KLC1: variants seen among roughly 807,000 people sequenced by gnomAD.
KLC1 encodes kinesin 2 60/70kDa.
In KLC1, 30 loss-of-function variants were observed where a neutral mutation model predicts 84.2. That is an observed-to-expected ratio of 0.36 (90% CI 0.27 to 0.48). The LOEUF is 0.48. Ranked by LOEUF, KLC1 falls within the 20% of genes least tolerant of loss-of-function variation. KLC1 has a pLI of 0.99. For synonymous variants in KLC1, 289 were observed against 293.3 expected (o/e 0.99, Z 0.15); for missense variants, 499 against 805.4 (o/e 0.62, Z 4.60).
At chr14:103,651,630 G>T (rs1392143108) in intron 1 of KLC1, among the ~76,000 whole-genome samples, 3 of 152,134 alleles carry the variant, frequency 2.0e-5, no homozygotes, top group Non-Finnish European at 2.9e-5. Flanking sequence ...CTATACCATG[G>T]TCACCTGGGG....
rs201009117 is a variant in KLC1 at position 103,662,175 on chromosome 14, A to G, written c.552A>G (p.Glu184=). The change falls in exon 4 of 17, where the codon GAA becomes GAG. Residue 184 remains glutamate, a synonymous_variant. Transcript: ENST00000334553. The part of the protein sequence containing the change: ...EPLDDLFPND[E]DDPGQGIQQQ... ...TGGATGACCTTTTCCCCAATGATGAAGACGACCCAGGGCAAGGAAGTGAGT... is the reference window on the plus strand; with the variant it reads ...TGGATGACCTTTTCCCCAATGATGAGGACGACCCAGGGCAAGGAAGTGAGT... 3.0e-5 allele frequency: 48 copies of G among 1,613,614 alleles called. No individual in the cohort carries two copies. In the African/African-American group the frequency reaches 5.9e-4, roughly 20 times the overall value.
At chr14:103,642,406 A>G (rs2896489) in intron 1 of KLC1, among the ~76,000 whole-genome samples, 92,086 of 152,102 alleles carry the variant, frequency 0.61, 28,988 homozygotes, top group Non-Finnish European at 0.71. Context: ...GTTTTGAGAC[A>G]TATGGGCAAG....
intron 16 of KLC1, 80 bp from the exon 17 acceptor site, chr14:103,701,121 G>A (rs2083163292): frequency 1.3e-6 from 2 of 1,516,424 alleles, no homozygotes; most frequent in Admixed American, 4.0e-5. Flanking sequence ...GGGTTCCCCA[G>A]AGAGCTGTTT....
intron 15 of KLC1, chr14:103,698,924 C>A (rs1480964190): frequency 1.2e-6 from 2 of 1,600,352 alleles, no homozygotes. Flanking sequence ...CGAGGGCAGC[C>A]TCTTCCTCGC....
At chr14:103,681,879 G>A (rs1349262401) in intron 13 of KLC1, among the ~76,000 whole-genome samples, 1 of 152,184 alleles carries the variant, frequency 6.6e-6, no homozygotes, top group Non-Finnish European at 1.5e-5. Context: ...TATTAACACG[G>A]TTCAGGTCAG....
intron 1 of KLC1, 35 bp from the exon 2 acceptor site, chr14:103,654,529 G>T (rs1329613953): frequency 1.9e-6 from 3 of 1,544,616 alleles, no homozygotes; most frequent in Non-Finnish European, 2.6e-6. Flanking sequence ...AACCTGTAAT[G>T]AGGGATCTAA....
chr14:103,654,493 A>T, intron 1 of KLC1, 71 bp from the exon 2 acceptor site: 4 of 1,306,082 alleles, frequency 3.1e-6, no homozygotes, highest in Non-Finnish European at 4.1e-6. Flanking sequence ...AAAAATTTTC[A>T]TATTTACTTG....
At chr14:103,649,770 A>G (rs1042383490) in intron 1 of KLC1, among the ~76,000 whole-genome samples, 1 of 149,452 alleles carries the variant, frequency 6.7e-6, no homozygotes, top group African/African-American at 2.5e-5. Flanking sequence ...ATCTCGGCTC[A>G]CTGCAAGCTT....
chr14:103,680,839 T>G (rs1481764322), intron 13 of KLC1, among the ~76,000 whole-genome samples: 2 of 152,222 alleles, frequency 1.3e-5, no homozygotes, highest in Non-Finnish European at 2.9e-5. Flanking sequence ...TGTGATCCTC[T>G]TGAATGAAGT....
chr14:103,644,505 C>T lies in KLC1; in HGVS notation c.-1-10059C>T, dbSNP rs375744618. On this transcript the variant is annotated intron_variant, in intron 1 of 16. Transcript: ENST00000334553. ...TGAACTCCTGACCTCCTGATCCACC[C>T]GCTTCAGCCTCCCGAAGTGCTTGGA... is the stretch of plus-strand genomic sequence containing the variant. Among the ~76,000 whole-genome samples, 65 of 152,174 alleles carry T rather than the reference C, an allele frequency of 4.3e-4. 1 individual carries two copies. The highest frequency in any genetic ancestry group is 1.5e-3 in the African/African-American group (62 of 41,546).
At chr14:103,685,203 G>A in intron 13 of KLC1, 3 of 1,422,540 alleles carry the variant, frequency 2.1e-6, no homozygotes, top group South Asian at 1.6e-5. Flanking sequence ...TAAAGTCCGT[G>A]GTTTCCTAAA....
chr14:103,631,950 G>A (rs1314513606), intron 1 of KLC1, among the ~76,000 whole-genome samples: 1 of 152,162 alleles, frequency 6.6e-6, no homozygotes, highest in African/African-American at 2.4e-5. Context: ...TACTCAAGAC[G>A]AGAGTATTTG....
chr14:103,663,538 T>G (rs950664568), intron 5 of KLC1, among the ~76,000 whole-genome samples: 2 of 152,200 alleles, frequency 1.3e-5, no homozygotes, highest in East Asian at 1.9e-4. Context: ...TGCAGGCGGC[T>G]TCTTTTGTCT....
chr14:103,662,223 C>G, intron 4 of KLC1, 29 bp downstream of exon 4: 3 of 1,546,340 alleles, frequency 1.9e-6, no homozygotes, highest in Non-Finnish European at 2.7e-6. Context: ...AGGCATGTTA[C>G]CGAGTGCAGA....
At chr14:103,650,875 A>G (rs1385986585) in intron 1 of KLC1, among the ~76,000 whole-genome samples, 1 of 151,998 alleles carries the variant, frequency 6.6e-6, no homozygotes, top group Non-Finnish European at 1.5e-5. Flanking sequence ...CACCAAGCCC[A>G]GCCGCCTGTA....
At chr14:103,642,655 C>T (rs2077577529) in intron 1 of KLC1, among the ~76,000 whole-genome samples, 1 of 151,702 alleles carries the variant, frequency 6.6e-6, no homozygotes, top group Non-Finnish European at 1.5e-5. Context: ...TGCTAAAAAA[C>T]AAAGGGATGG....
At chr14:103,665,007 G>T (rs182873487) in intron 5 of KLC1, among the ~76,000 whole-genome samples, 272 of 152,148 alleles carry the variant, frequency 1.8e-3, no homozygotes, top group South Asian at 0.012. Context: ...TGTCAGTCTT[G>T]TGTTTTTCCC....
chr14:103,644,915 TTTC>T (rs1018540213), intron 1 of KLC1, among the ~76,000 whole-genome samples: 1 of 152,102 alleles, frequency 6.6e-6, no homozygotes, highest in African/African-American at 2.4e-5. Flanking sequence ...GCCAGATTTC[TTTC>T]TTTAGTTCTG....
intron 5 of KLC1, among the ~76,000 whole-genome samples, chr14:103,665,638 T>G (rs2079716704): frequency 1.3e-5 from 2 of 152,136 alleles, no homozygotes; most frequent in Non-Finnish European, 2.9e-5. Context: ...TGTTTTGTCA[T>G]GTTGGCCAGG....
Sources: gnomAD v4.1 joint callset for allele counts (sites outside exome capture counted in the v4.1 genomes callset) on GRCh38, gnomAD v4.1.1 for gene constraint, MANE v1.5 for transcripts, NCBI Gene and HGNC (gene_info 2026-07-23, HGNC 2026-07-21) for gene names.